The following ACAD9 variants were observed in gnomAD, a reference collection of about 807,000 sequenced individuals.
ACAD9 encodes the protein acyl-CoA dehydrogenase family member 9, also known as complex I assembly factor ACAD9, mitochondrial.
A neutral mutation model predicts 70.2 loss-of-function variants in ACAD9; 53 were observed. The ratio of observed to expected loss-of-function variants is 0.75; its 90% CI spans 0.61 to 0.95. The LOEUF (loss-of-function observed/expected upper bound fraction) is 0.95. Ranked by LOEUF, ACAD9 falls within the 40% of genes least tolerant of loss-of-function variation. The pLI is 0.00. For synonymous variants in ACAD9, 313 were observed against 312.1 expected (o/e 1.00, Z -0.03); for missense variants, 777 against 802.8 (o/e 0.97, Z 0.39).
intron 2 of ACAD9, among the ~76,000 whole-genome samples, chr3:128,891,839 T>A (rs1935430211): frequency 6.6e-6 from 1 of 152,252 alleles, no homozygotes; most frequent in Non-Finnish European, 1.5e-5. Flanking sequence ...TTATCACATT[T>A]ATTTATGTAG....
At chr3:128,909,928 A>T in intron 15 of ACAD9, 93 bp from the exon 16 acceptor site, 1 of 1,552,034 alleles carries the variant, frequency 6.4e-7, no homozygotes. Flanking sequence ...GGAACACAGG[A>T]GACTAAGACA....
intron 12 of ACAD9, 53 bp downstream of exon 12, chr3:128,906,302 C>T (rs1395215391): frequency 6.2e-7 from 1 of 1,609,684 alleles, no homozygotes; most frequent in East Asian, 2.2e-5. Context: ...CCTGCCTGGT[C>T]CTAAAGATGC....
chr3:128,893,506 T>C (rs1321009752), intron 2 of ACAD9, 49 bp from the exon 3 acceptor site: 1 of 1,391,228 alleles, frequency 7.2e-7, no homozygotes, highest in Non-Finnish European at 1.0e-6. Context: ...TACTTATATT[T>C]GTAGAAACAT....
intron 8 of ACAD9, 147 bp downstream of exon 8, chr3:128,901,496 A>G (rs1323210145): frequency 7.8e-6 from 7 of 893,266 alleles, no homozygotes; most frequent in African/African-American, 1.6e-5. Flanking sequence ...AATTGGCAAA[A>G]TGGACACTGG....
intron 7 of ACAD9, among the ~76,000 whole-genome samples, chr3:128,899,828 T>C (rs1042070592): frequency 2.0e-5 from 3 of 152,158 alleles, no homozygotes; most frequent in Non-Finnish European, 4.4e-5. Context: ...GCAGCCTGCT[T>C]CAGGCTGTGA....
intron 10 of ACAD9, 115 bp from the exon 11 acceptor site, chr3:128,904,271 G>A (rs146422143): frequency 1.9e-6 from 3 of 1,595,870 alleles, no homozygotes; most frequent in African/African-American, 2.7e-5. Flanking sequence ...ACGGGTCACT[G>A]GGCTTGCTTC....
At chr3:128,881,336 T>G (rs889363344) in intron 1 of ACAD9, among the ~76,000 whole-genome samples, 19 of 152,186 alleles carry the variant, frequency 1.2e-4, no homozygotes, top group African/African-American at 4.6e-4. Flanking sequence ...CTGCCTTTAC[T>G]CTCAGCTGTC....
At chr3:128,886,622 C>T (rs1387950748) in intron 2 of ACAD9, among the ~76,000 whole-genome samples, 9 of 150,722 alleles carry the variant, frequency 6.0e-5, no homozygotes, top group South Asian at 2.1e-4. Context: ...GCAGGAGAAT[C>T]GCTGGAACCT....
intron 3 of ACAD9, 74 bp from the exon 4 acceptor site, chr3:128,895,236 A>AG: frequency 8.4e-7 from 1 of 1,192,242 alleles, no homozygotes; most frequent in African/African-American, 1.6e-5. Context: ...TCAGAAGAAA[A>AG]AAAAAAGCCA....
chr3:128,912,648 A>G lies in ACAD9; in HGVS notation c.*41A>G. 1.3e-6 allele frequency: 2 copies of G among 1,512,276 alleles called. No individual in the cohort carries two copies. 93.7% of individuals were successfully genotyped at this position (1,512,276 alleles called of 1,614,324 possible). ...CCCCTGCTACCGCCCGCCCCTACCC[A>G]TGGCCCGTTGCTGGATGACTGTTAC... is the stretch of plus-strand genomic sequence containing the variant. On this transcript the variant is annotated 3_prime_UTR_variant, in exon 18 of 18. Coordinates refer to ENST00000308982, the MANE Select transcript of ACAD9 (RefSeq NM_014049.5).
intron 7 of ACAD9, among the ~76,000 whole-genome samples, chr3:128,900,742 C>A (rs1440686941): frequency 6.6e-6 from 1 of 152,126 alleles, no homozygotes; most frequent in Non-Finnish European, 1.5e-5. Flanking sequence ...ATGGTCATAC[C>A]TAGCAGGCAG....
intron 6 of ACAD9, chr3:128,898,569 A>C: frequency 6.9e-6 from 2 of 288,176 alleles, no homozygotes; most frequent in East Asian, 1.2e-4. Context: ...AACTCTTTGT[A>C]TTTTTTTTTT....
intron 7 of ACAD9, among the ~76,000 whole-genome samples, chr3:128,900,760 G>A (rs1362535229): frequency 6.6e-6 from 1 of 152,124 alleles, no homozygotes; most frequent in African/African-American, 2.4e-5. Flanking sequence ...CAGGGAAAGG[G>A]AGGGAGGTCC....
chr3:128,905,097 G>A (rs535046523), intron 11 of ACAD9, among the ~76,000 whole-genome samples: 5 of 152,168 alleles, frequency 3.3e-5, no homozygotes, highest in Non-Finnish European at 7.4e-5. Context: ...GCAGTGAGCC[G>A]AGGTTGTGCC....
intron 2 of ACAD9, among the ~76,000 whole-genome samples, chr3:128,887,644 AATATATATAT>A (rs71153150): frequency 1.5e-5 from 2 of 133,106 alleles, no homozygotes; most frequent in Non-Finnish European, 3.2e-5. Context: ...AAAATAAATA[AATATATATAT>A]ATATATATAT....
intron 13 of ACAD9, 67 bp from the exon 14 acceptor site, chr3:128,908,906 G>A (rs1936006159): frequency 1.2e-6 from 2 of 1,612,692 alleles, no homozygotes; most frequent in East Asian, 2.2e-5. Flanking sequence ...TGCCGAATGG[G>A]CCATGTTGCT....
rs112413929 is a variant in ACAD9, at chr3:128,891,540, G to A, written c.245-2015G>A. Among the ~76,000 whole-genome samples, 713 of 152,338 alleles carry A rather than the reference G, an allele frequency of 4.7e-3. 3 individuals carry two copies. The highest frequency in any genetic ancestry group is 0.016 in the African/African-American group (669 of 41,580). On this transcript the variant is annotated intron_variant, in intron 2 of 17. Transcript: ENST00000308982. ...GGAGGCTGAGGCAGGAGAACCACTT[G>A]AACCCGGCAGGCAGAGGTTGCAGTG...
At position 128,879,682 on chromosome 3, in the gene ACAD9, A is replaced by T. The variant is rs776598614; in HGVS notation, c.-10A>T. 2.5e-6 allele frequency: 4 copies of T among 1,612,124 alleles called. No homozygotes were observed. In the African/African-American group the frequency reaches 4.0e-5, roughly 16 times the overall value. On this transcript the variant is annotated 5_prime_UTR_variant, in exon 1 of 18. Transcript: ENST00000308982. ...GAGACTGAGGCTGAGGCTGGGGAAC[A>T]TCGGGCAGCATGAGCGGCTGCGGGC... is the stretch of plus-strand genomic sequence containing the variant.
At chr3:128,886,657 G>A (rs1289678851) in intron 2 of ACAD9, among the ~76,000 whole-genome samples, 23 of 121,448 alleles carry the variant, frequency 1.9e-4, no homozygotes, top group African/African-American at 1.6e-4. Context: ...GCGGTGAGCC[G>A]AGATCGCGCC....
Sources: allele counts gnomAD v4.1 joint callset (sites outside exome capture counted in the v4.1 genomes callset), GRCh38; gene constraint gnomAD v4.1.1; transcripts MANE v1.5; gene names NCBI Gene and HGNC (gene_info 2026-07-23, HGNC 2026-07-21).